UVRAG: variants seen among roughly 807,000 people sequenced by gnomAD.
UVRAG encodes UV radiation resistance-associated gene protein.
Under a neutral mutation model 78.0 loss-of-function variants are expected in UVRAG, and 19 were observed. That is an observed-to-expected ratio of 0.24 (90% confidence interval 0.17 to 0.36). The LOEUF is 0.36. Among genes scored for constraint, UVRAG ranks in the 10% least tolerant of loss-of-function variants. The pLI is 1.00. For synonymous variants in UVRAG, 323 were observed against 324.6 expected (o/e 1.00, Z 0.05); for missense variants, 740 against 853.8 (o/e 0.87, Z 1.66).
chr11:76,031,309 A>C (rs1371222356), intron 12 of UVRAG, among the ~76,000 whole-genome samples: 3 of 152,224 alleles, frequency 2.0e-5, no homozygotes, highest in Non-Finnish European at 4.4e-5. Flanking sequence ...CAGGCAGTAA[A>C]GATCAACAAA....
intron 1 of UVRAG, 133 bp from the exon 2 acceptor site, chr11:75,851,749 TG>T (rs1455850412): frequency 1.4e-6 from 1 of 690,014 alleles, no homozygotes; most frequent in African/African-American, 1.8e-5. Flanking sequence ...AATAAGAGAC[TG>T]GGTTATGGTT....
chr11:75,858,727 C>T (rs1224886607), intron 2 of UVRAG, among the ~76,000 whole-genome samples: 1 of 152,158 alleles, frequency 6.6e-6, no homozygotes, highest in Non-Finnish European at 1.5e-5. Context: ...GTGCTTTTCT[C>T]CCCACAGCTT....
At chr11:76,068,536 G>A (rs1325699206) in intron 13 of UVRAG, among the ~76,000 whole-genome samples, 2 of 152,126 alleles carry the variant, frequency 1.3e-5, no homozygotes, top group Non-Finnish European at 2.9e-5. Flanking sequence ...AAAAGGAGGG[G>A]ACAGTAAACT....
At chr11:76,031,626 T>C (rs1458086349) in intron 12 of UVRAG, among the ~76,000 whole-genome samples, 1 of 152,178 alleles carries the variant, frequency 6.6e-6, no homozygotes, top group Non-Finnish European at 1.5e-5. Context: ...GAAAACCAGA[T>C]GACTCTGACA....
At chr11:75,853,784 A>T (rs1306894720) in intron 2 of UVRAG, among the ~76,000 whole-genome samples, 2 of 146,546 alleles carry the variant, frequency 1.4e-5, no homozygotes, top group Admixed American at 1.3e-4. Context: ...TTATTTATTT[A>T]TTTTTTGAGG....
At chr11:75,938,177 T>C (rs144550950) in intron 6 of UVRAG, among the ~76,000 whole-genome samples, 7 of 152,142 alleles carry the variant, frequency 4.6e-5, no homozygotes, top group Non-Finnish European at 1.0e-4. Flanking sequence ...AAACAGACAT[T>C]GTGATTTTCA....
At chr11:75,923,021 T>G (rs1384301183) in intron 6 of UVRAG, among the ~76,000 whole-genome samples, 1 of 147,258 alleles carries the variant, frequency 6.8e-6, no homozygotes, top group East Asian at 2.0e-4. Context: ...TATATATATA[T>G]ATGTTCGTTT....
intron 11 of UVRAG, among the ~76,000 whole-genome samples, chr11:76,010,906 A>G (rs1591129493): frequency 2.0e-5 from 3 of 152,284 alleles, no homozygotes; most frequent in African/African-American, 7.2e-5. Flanking sequence ...AGGAAGTAGG[A>G]AATGCCTGAG....
intron 7 of UVRAG, among the ~76,000 whole-genome samples, chr11:75,982,993 A>G (rs7113130): frequency 0.097 from 14,792 of 152,134 alleles, 1,671 homozygotes; most frequent in African/African-American, 0.28. Context: ...TTTTGTGTGG[A>G]CATGTGTTCA....
chr11:75,824,585 A>C (rs879487629), intron 1 of UVRAG, among the ~76,000 whole-genome samples: 1 of 152,004 alleles, frequency 6.6e-6, no homozygotes, highest in Non-Finnish European at 1.5e-5. Flanking sequence ...TTAGATTTTC[A>C]TAGTTTCCAA....
chr11:76,113,589 T>C (rs550785524), intron 13 of UVRAG, among the ~76,000 whole-genome samples: 2 of 152,304 alleles, frequency 1.3e-5, no homozygotes, highest in South Asian at 4.2e-4. Context: ...ACCATACTTA[T>C]ACTTTATTAA....
chr11:75,979,150 C>G (rs1949329228), intron 7 of UVRAG, among the ~76,000 whole-genome samples: 1 of 152,224 alleles, frequency 6.6e-6, no homozygotes, highest in African/African-American at 2.4e-5. Flanking sequence ...ACTCCAGGCC[C>G]CGTTTGCCTG....
intron 1 of UVRAG, among the ~76,000 whole-genome samples, chr11:75,849,152 T>C (rs1484572141): frequency 6.6e-6 from 1 of 151,826 alleles, no homozygotes; most frequent in East Asian, 1.9e-4. Context: ...CACTCCAGCC[T>C]GGGCGAGACA....
rs1228400330 is a variant in UVRAG at position 76,140,019 on chromosome 11, T to C, written c.1398-692T>C. ...AAAAAAAAAAGGAACCCCTCAAAAA[T>C]TTTTTTTAATTTTTAAAATATAACC... is the stretch of plus-strand genomic sequence containing the variant. On this transcript the variant is annotated intron_variant, in intron 14 of 14. Transcript: ENST00000356136. Among the ~76,000 whole-genome samples, 5 of 147,118 alleles carry C rather than the reference T, an allele frequency of 3.4e-5. No homozygotes were observed. The South Asian group carries it at 8.8e-4, about 26-fold the overall frequency.
intron 12 of UVRAG, among the ~76,000 whole-genome samples, chr11:76,053,189 C>T (rs1014580601): frequency 2.6e-5 from 4 of 151,586 alleles, no homozygotes; most frequent in Non-Finnish European, 5.9e-5. Flanking sequence ...ACCTGTAATC[C>T]CAGCTACTCA....
intron 7 of UVRAG, among the ~76,000 whole-genome samples, chr11:75,979,331 A>G (rs577746023): frequency 7.2e-5 from 11 of 152,334 alleles, no homozygotes; most frequent in South Asian, 2.1e-4. Flanking sequence ...TCAGGGACCC[A>G]CTTGAGGAGG....
At chr11:75,995,299 A>G (rs148283095) in intron 8 of UVRAG, among the ~76,000 whole-genome samples, 11 of 151,610 alleles carry the variant, frequency 7.3e-5, no homozygotes, top group African/African-American at 2.7e-4. Flanking sequence ...CTTTTCTCCT[A>G]TTTTACTTTG....
chr11:76,023,312 T>A (rs1428296162), intron 12 of UVRAG, among the ~76,000 whole-genome samples: 1 of 152,164 alleles, frequency 6.6e-6, no homozygotes, highest in African/African-American at 2.4e-5. Flanking sequence ...GCATCTTGTT[T>A]CGGGCATGAA....
intron 7 of UVRAG, among the ~76,000 whole-genome samples, chr11:75,977,504 C>CT (rs1555100156): frequency 2.0e-5 from 3 of 152,170 alleles, no homozygotes; most frequent in Admixed American, 6.5e-5. Context: ...GTGTGGGACT[C>CT]TAAGTCTCTT....
Sources: allele counts gnomAD v4.1 joint callset (sites outside exome capture counted in the v4.1 genomes callset), GRCh38; gene constraint gnomAD v4.1.1; transcripts MANE v1.5; gene names NCBI Gene and HGNC (gene_info 2026-07-23, HGNC 2026-07-21).